GABRG3: variants seen among roughly 807,000 people sequenced by gnomAD.
The protein encoded by GABRG3 is gamma-aminobutyric acid type A receptor subunit gamma3.
GABRG3 carries 25 observed loss-of-function variants against 48.8 expected under a neutral mutation model. That is an observed-to-expected ratio of 0.51 (90% confidence interval 0.37 to 0.72). GABRG3 has a LOEUF of 0.72. Among genes scored for constraint, GABRG3 ranks in the 30% least tolerant of loss-of-function variants. GABRG3 has a pLI of 0.00. For synonymous variants in GABRG3, 227 were observed against 217.6 expected (o/e 1.04, Z -0.38); for missense variants, 394 against 577.9 (o/e 0.68, Z 3.26).
intron 3 of GABRG3, among the ~76,000 whole-genome samples, chr15:27,086,264 G>A (rs1318473310): frequency 6.6e-6 from 1 of 152,088 alleles, no homozygotes; most frequent in Non-Finnish European, 1.5e-5. Flanking sequence ...GTGGAAGAAA[G>A]AACCCCCCTT....
At chr15:27,207,643 G>A (rs1416739893) in intron 3 of GABRG3, among the ~76,000 whole-genome samples, 1 of 152,214 alleles carries the variant, frequency 6.6e-6, no homozygotes, top group Non-Finnish European at 1.5e-5. Context: ...TGGAAACTGT[G>A]GGGGACACCA....
At chr15:27,489,715 TG>T (rs539254055) in intron 6 of GABRG3, among the ~76,000 whole-genome samples, 71 of 152,298 alleles carry the variant, frequency 4.7e-4, no homozygotes, top group Admixed American at 1.0e-3. Flanking sequence ...TACTTTTTGA[TG>T]GGGTTGTTTG....
chr15:27,136,242 T>C (rs1898006113), intron 3 of GABRG3, among the ~76,000 whole-genome samples: 1 of 152,250 alleles, frequency 6.6e-6, no homozygotes, highest in South Asian at 2.1e-4. Flanking sequence ...CAGAATGATT[T>C]CTGCACCAGG....
intron 3 of GABRG3, among the ~76,000 whole-genome samples, chr15:27,287,831 T>C (rs540869049): frequency 9.7e-4 from 146 of 149,838 alleles, no homozygotes; most frequent in Non-Finnish European, 1.8e-3. Context: ...CTCCGCCTCC[T>C]GGGTTCATAC....
chr15:27,070,458 G>C (rs1294518040), intron 3 of GABRG3, among the ~76,000 whole-genome samples: 1 of 152,144 alleles, frequency 6.6e-6, no homozygotes, highest in Non-Finnish European at 1.5e-5. Context: ...CCACGTATGA[G>C]TGAAACTCAT....
At chr15:27,513,437 A>G (rs977585568) in intron 6 of GABRG3, among the ~76,000 whole-genome samples, 7 of 151,482 alleles carry the variant, frequency 4.6e-5, no homozygotes, top group African/African-American at 1.7e-4. Context: ...GAGACAGAGT[A>G]AGACTCCGTC....
At chr15:27,126,028 G>A (rs1321393796) in intron 3 of GABRG3, among the ~76,000 whole-genome samples, 1 of 152,190 alleles carries the variant, frequency 6.6e-6, no homozygotes, top group Non-Finnish European at 1.5e-5. Context: ...ATTAGACACA[G>A]TGATTGCAGA....
chr15:27,041,472 C>T (rs757953614), intron 3 of GABRG3, among the ~76,000 whole-genome samples: 18 of 152,096 alleles, frequency 1.2e-4, no homozygotes, highest in Non-Finnish European at 2.1e-4. Flanking sequence ...TGAGCCACCA[C>T]GCCCAGCCAA....
chr15:27,501,203 G>C (rs1292359486), intron 6 of GABRG3, among the ~76,000 whole-genome samples: 1 of 152,078 alleles, frequency 6.6e-6, no homozygotes, highest in Non-Finnish European at 1.5e-5. Flanking sequence ...TGCCCACCTT[G>C]GCCTCCCAAA....
chr15:27,242,802 GT>G (rs1890165775), intron 3 of GABRG3, among the ~76,000 whole-genome samples: 1 of 152,180 alleles, frequency 6.6e-6, no homozygotes. Context: ...GTAATTTGCT[GT>G]TTGTTAACTA....
intron 6 of GABRG3, among the ~76,000 whole-genome samples, chr15:27,513,369 G>A (rs957946428): frequency 2.6e-5 from 4 of 151,832 alleles, no homozygotes; most frequent in African/African-American, 9.7e-5. Context: ...AGAATGGCGT[G>A]AACCTGGGAG....
intron 5 of GABRG3, among the ~76,000 whole-genome samples, chr15:27,450,794 C>T (rs1292574232): frequency 6.6e-6 from 1 of 152,108 alleles, no homozygotes; most frequent in Non-Finnish European, 1.5e-5. Flanking sequence ...TTGCAAATGA[C>T]ATGATCTTAT....
rs1029281803 is a variant in GABRG3, at chr15:27,533,027, G to A, written c.*146G>A. The A allele has an allele frequency of 2.0e-4, 140 of 684,600 alleles. 1 individual carries two copies. The African/African-American group carries it at 2.5e-3, about 12-fold the overall frequency. 42.4% of individuals were successfully genotyped at this position (684,600 alleles called of 1,614,324 possible). ...AAATGACCTTTCAGCAACACAGGAA[G>A]TACCCAGCAAAGGTTTCTATTATGT... On this transcript the variant is annotated 3_prime_UTR_variant, in exon 10 of 10. Coordinates refer to ENST00000615808, the MANE Select transcript of GABRG3 (RefSeq NM_033223.5).
chr15:27,061,891 C>T (rs1190755315), intron 3 of GABRG3, among the ~76,000 whole-genome samples: 1 of 152,182 alleles, frequency 6.6e-6, no homozygotes, highest in African/African-American at 2.4e-5. Context: ...GCACTGCCTG[C>T]CCTCTGCTCT....
intron 3 of GABRG3, among the ~76,000 whole-genome samples, chr15:27,065,239 G>A (rs1896717863): frequency 1.3e-5 from 2 of 152,240 alleles, no homozygotes; most frequent in African/African-American, 4.8e-5. Flanking sequence ...ACAAATGGAT[G>A]CAGGAATTCT....
At chr15:27,452,259 G>A (rs1049637260) in intron 5 of GABRG3, among the ~76,000 whole-genome samples, 2 of 152,154 alleles carry the variant, frequency 1.3e-5, no homozygotes, top group Admixed American at 6.5e-5. Flanking sequence ...GAAGAAAAGG[G>A]AACCATTGCA....
chr15:27,421,323 A>G (rs1332829513), intron 5 of GABRG3, among the ~76,000 whole-genome samples: 2 of 152,268 alleles, frequency 1.3e-5, no homozygotes, highest in Admixed American at 6.5e-5. Context: ...TGTTTCCATC[A>G]TTCGAAAACA....
intron 2 of GABRG3, among the ~76,000 whole-genome samples, chr15:27,015,683 G>A (rs1392413341): frequency 1.3e-5 from 2 of 151,782 alleles, no homozygotes; most frequent in African/African-American, 2.4e-5. Flanking sequence ...CACCGCGCCC[G>A]GCCGTGTTTG....
At position 27,507,912 on chromosome 15, in the gene GABRG3, T is replaced by G. The variant is rs114508844; in HGVS notation, c.713-12060T>G. 6.6e-3 allele frequency among the ~76,000 whole-genome samples: 1,008 copies of G among 152,348 alleles called. 17 individuals carry two copies. The highest frequency in any genetic ancestry group is 0.023 in the African/African-American group (967 of 41,576). On this transcript the variant is annotated intron_variant, in intron 6 of 9. Coordinates refer to ENST00000615808, the MANE Select transcript of GABRG3 (RefSeq NM_033223.5). Reference sequence around the variant, plus strand: ...CCATCCTTTTATCATTATGTAACATTCCTTTTTATTCCTAAAAATAACCTT... The same window carrying G: ...CCATCCTTTTATCATTATGTAACATGCCTTTTTATTCCTAAAAATAACCTT...
Sources: allele counts gnomAD v4.1 joint callset (sites outside exome capture counted in the v4.1 genomes callset), GRCh38; gene constraint gnomAD v4.1.1; transcripts MANE v1.5; gene names NCBI Gene and HGNC (gene_info 2026-07-23, HGNC 2026-07-21).